The following CCDC102B variants were observed in gnomAD, a reference collection of about 807,000 sequenced individuals.
CCDC102B encodes coiled-coil domain-containing protein 102B.
A neutral mutation model predicts 57.4 loss-of-function variants in CCDC102B; 75 were observed. The observed-to-expected ratio is 1.31, with a 90% CI of 1.08 to 1.58. The LOEUF (loss-of-function observed/expected upper bound fraction) is 1.58, where lower values mean the gene tolerates loss of function less well. Ranked by LOEUF, CCDC102B falls within the 40% of genes most tolerant of loss-of-function variation. CCDC102B has a pLI of 0.00. For synonymous variants in CCDC102B, 206 were observed against 201.9 expected (o/e 1.02, Z -0.17); for missense variants, 636 against 582.6 (o/e 1.09, Z -0.94).
intron 6 of CCDC102B, among the ~76,000 whole-genome samples, chr18:68,921,432 A>G (rs534194123): frequency 6.6e-6 from 1 of 152,322 alleles, no homozygotes; most frequent in Admixed American, 6.5e-5. Flanking sequence ...TAGTCACTGG[A>G]ACTGTCAGTG....
intron 6 of CCDC102B, among the ~76,000 whole-genome samples, chr18:68,957,608 G>T (rs1170045494): frequency 2.2e-5 from 3 of 133,924 alleles, no homozygotes; most frequent in Non-Finnish European, 3.2e-5. Flanking sequence ...GGTCTTTTGT[G>T]GTTCCATATG....
chr18:68,828,322 C>CAAAAAAAA (rs58180806), intron 1 of CCDC102B, among the ~76,000 whole-genome samples: 7 of 80,794 alleles, frequency 8.7e-5, no homozygotes, highest in Admixed American at 1.7e-4. Flanking sequence ...ACCCTATTTA[C>CAAAAAAAA]AAAAAAAAAA....
chr18:68,982,001 G>A (rs1362718416), intron 6 of CCDC102B, among the ~76,000 whole-genome samples: 1 of 151,784 alleles, frequency 6.6e-6, no homozygotes, highest in African/African-American at 2.4e-5. Flanking sequence ...TAAAAAGAAA[G>A]ACAAGTAGGG....
intron 2 of CCDC102B, among the ~76,000 whole-genome samples, chr18:68,769,253 C>T (rs1451612277): frequency 7.5e-6 from 1 of 134,148 alleles, no homozygotes; most frequent in East Asian, 2.1e-4. Flanking sequence ...AACTCCACCT[C>T]GAAAAAAAAA....
In CCDC102B at chr18:68,836,821, CAAT is replaced by C. The variant is rs750998677; in HGVS notation, c.59_61del (p.Gln20_Ser21delinsPro). On this transcript the variant is annotated inframe_deletion, in exon 2 of 8. Transcript: ENST00000360242. ...GGAAACACAGATCTTCCAGATGCAA[CAAT>C]CATCAATTAAGTCACGCGGCGACAT... is the stretch of plus-strand genomic sequence containing the variant. The C allele has an allele frequency of 6.2e-7, 1 of 1,613,856 alleles. No individual in the cohort carries two copies. Among genetic ancestry groups the C allele is most frequent in the South Asian group, 1.1e-5 (1 of 91,078 alleles).
intron 1 of CCDC102B, among the ~76,000 whole-genome samples, chr18:68,803,265 G>C (rs927793082): frequency 3.3e-5 from 5 of 152,160 alleles, no homozygotes; most frequent in African/African-American, 7.2e-5. Context: ...CTCAGACACT[G>C]TTCTAGCAAT....
chr18:68,947,532 A>G (rs973443046), intron 6 of CCDC102B, among the ~76,000 whole-genome samples: 1 of 152,046 alleles, frequency 6.6e-6, no homozygotes, highest in Non-Finnish European at 1.5e-5. Flanking sequence ...CTAGATCTCT[A>G]ATTTTTATGC....
intron 6 of CCDC102B, among the ~76,000 whole-genome samples, chr18:68,934,709 CAG>C (rs2041786298): frequency 6.6e-6 from 1 of 151,916 alleles, no homozygotes; most frequent in Non-Finnish European, 1.5e-5. Context: ...GCAATTTTAA[CAG>C]TGCCTTTTCT....
intron 6 of CCDC102B, among the ~76,000 whole-genome samples, chr18:68,939,202 C>G (rs377352696): frequency 6.6e-6 from 1 of 151,744 alleles, no homozygotes; most frequent in South Asian, 2.1e-4. Flanking sequence ...GCAACTGATA[C>G]TCTTAAGATT....
At chr18:68,791,960 C>G (rs1599467754) in intron 2 of CCDC102B, among the ~76,000 whole-genome samples, 3 of 152,210 alleles carry the variant, frequency 2.0e-5, no homozygotes, top group Admixed American at 2.0e-4. Flanking sequence ...TTGGTTTGCA[C>G]AACTAAATGT....
At chr18:68,866,780 C>A in intron 4 of CCDC102B, 1 of 675,152 alleles carries the variant, frequency 1.5e-6, no homozygotes, top group Non-Finnish European at 2.8e-6. Context: ...TTTGGTATGT[C>A]GGTGCTTTTG....
rs201025875 is a variant in CCDC102B at position 68,730,423 on chromosome 18, C to T, written c.-67+13829C>T. On this transcript the variant is annotated intron_variant, in intron 2 of 3. Coordinates refer to the CCDC102B transcript ENST00000578970. ...GGTTATTCATTTTTATAGACTTAGT[C>T]CAAGAGGATCACTTAGATACTTTTC... Among the ~76,000 whole-genome samples, 3 of 152,150 alleles carry T rather than the reference C, an allele frequency of 2.0e-5. No homozygotes were observed. In the East Asian group the frequency reaches 5.8e-4, roughly 29 times the overall value.
intron 6 of CCDC102B, among the ~76,000 whole-genome samples, chr18:68,952,559 A>G (rs1403997459): frequency 6.6e-6 from 1 of 152,110 alleles, no homozygotes; most frequent in Non-Finnish European, 1.5e-5. Context: ...CCTCACCCCT[A>G]TTCTTTAGGT....
intron 4 of CCDC102B, among the ~76,000 whole-genome samples, chr18:68,874,206 G>GTATA (rs771749250): frequency 3.8e-5 from 3 of 78,190 alleles, no homozygotes; most frequent in African/African-American, 1.4e-4. Flanking sequence ...GTGTGTGTGT[G>GTATA]TGTGTGTATA....
chr18:68,828,701 T>C (rs1050403675), intron 1 of CCDC102B, among the ~76,000 whole-genome samples: 2 of 151,588 alleles, frequency 1.3e-5, no homozygotes, highest in Non-Finnish European at 3.0e-5. Context: ...ACAATTCAAA[T>C]ATATTTGAAT....
intron 3 of CCDC102B, among the ~76,000 whole-genome samples, chr18:68,842,372 T>C (rs1485399253): frequency 6.6e-6 from 1 of 152,144 alleles, no homozygotes; most frequent in Non-Finnish European, 1.5e-5. Context: ...GAATATTCAA[T>C]AAACCTTTAC....
chr18:68,764,167 T>C (rs987972129), intron 2 of CCDC102B, among the ~76,000 whole-genome samples: 1 of 152,276 alleles, frequency 6.6e-6, no homozygotes, highest in East Asian at 1.9e-4. Context: ...CAAGGCAACA[T>C]TTCTTGCTGT....
chr18:68,993,905 T>C (rs1203446673), intron 6 of CCDC102B, among the ~76,000 whole-genome samples: 1 of 152,242 alleles, frequency 6.6e-6, no homozygotes, highest in African/African-American at 2.4e-5. Flanking sequence ...AGTGTACGCC[T>C]ACACTGTGGT....
intron 5 of CCDC102B, among the ~76,000 whole-genome samples, chr18:68,895,813 G>A (rs890376545): frequency 2.0e-5 from 3 of 151,670 alleles, no homozygotes. Context: ...GTAAATGGTG[G>A]GACCAGGATG....
Sources: gnomAD v4.1 joint callset for allele counts (sites outside exome capture counted in the v4.1 genomes callset) on GRCh38, gnomAD v4.1.1 for gene constraint, MANE v1.5 for transcripts, NCBI Gene and HGNC (gene_info 2026-07-23, HGNC 2026-07-21) for gene names.